Variants in TXNDC16 observed in about 807,000 individuals in gnomAD.
The protein encoded by TXNDC16 is thioredoxin domain-containing protein 16.
In TXNDC16, 74 loss-of-function variants were observed where a neutral mutation model predicts 85.6. The observed-to-expected ratio is 0.86, with a 90% CI of 0.72 to 1.05. TXNDC16 has a LOEUF of 1.05. TXNDC16 is among the 50% of genes least tolerant of loss of function. The pLI is 0.00. For missense variants in TXNDC16, 959 were observed against 947.0 expected, an observed-to-expected ratio of 1.01 and a Z score of -0.17; for synonymous variants, 335 against 326.5, an observed-to-expected ratio of 1.03 and a Z score of -0.28.
intron 9 of TXNDC16, among the ~76,000 whole-genome samples, chr14:52,505,157 A>T (rs1196037866): frequency 1.3e-5 from 2 of 152,202 alleles, no homozygotes; most frequent in Non-Finnish European, 2.9e-5. Context: ...CATTAGACAG[A>T]TCAATAAGAC....
At chr14:52,542,598 C>T in intron 3 of TXNDC16, 145 bp from the exon 4 acceptor site, 2 of 516,578 alleles carry the variant, frequency 3.9e-6, no homozygotes, top group Non-Finnish European at 6.9e-6. Flanking sequence ...TTTTCACACC[C>T]TTATTTTACT....
At position 52,542,402 on chromosome 14, in the gene TXNDC16, G is replaced by T; in HGVS notation, c.212C>A (p.Pro71His). 1 of 1,612,448 alleles carries T rather than the reference G, an allele frequency of 6.2e-7. No homozygotes were observed. Among genetic ancestry groups the T allele is most frequent in the South Asian group, 1.1e-5 (1 of 90,916 alleles). Residue 71 changes from proline (P) to histidine (H), a missense_variant, in exon 4 of 21, where the codon CCT (proline) becomes CAT (histidine). Physicochemically the swap from Pro to His is moderately conservative, Grantham distance 77 (BLOSUM62 -2). Transcript: ENST00000281741. ...AACTGAAATTCCATAGTCCTGCAGA[G>T]GTCTAACAGCCTCATTCAGTTCTTC... ...FLEELNEAVR[P>H]LQDYGISVAK... is the part of the protein sequence containing the mutation.
intron 9 of TXNDC16, among the ~76,000 whole-genome samples, chr14:52,495,966 T>C (rs972452196): frequency 2.7e-4 from 41 of 152,048 alleles, no homozygotes; most frequent in Admixed American, 2.4e-3. Context: ...GAGACCATCC[T>C]GGCTAACATG....
intron 8 of TXNDC16, among the ~76,000 whole-genome samples, chr14:52,512,685 A>C (rs1360474422): frequency 6.6e-6 from 1 of 152,182 alleles, no homozygotes; most frequent in Non-Finnish European, 1.5e-5. Flanking sequence ...ACTTATTTGA[A>C]GTTTATAAGA....
At chr14:52,549,371 G>T (rs182545462) in intron 1 of TXNDC16, among the ~76,000 whole-genome samples, 3 of 152,318 alleles carry the variant, frequency 2.0e-5, no homozygotes, top group Admixed American at 2.0e-4. Context: ...GACAATAGTA[G>T]AAAAAGGGCT....
At chr14:52,476,934 G>A (rs968492037) in intron 14 of TXNDC16, among the ~76,000 whole-genome samples, 1 of 152,040 alleles carries the variant, frequency 6.6e-6, no homozygotes, top group African/African-American at 2.4e-5. Flanking sequence ...AAAAACACCA[G>A]GTAACATATA....
At chr14:52,443,145 G>C (rs2035203947) in intron 18 of TXNDC16, among the ~76,000 whole-genome samples, 1 of 151,994 alleles carries the variant, frequency 6.6e-6, no homozygotes, top group South Asian at 2.1e-4. Context: ...CCTTAATCTG[G>C]GTGGGCACCA....
In TXNDC16 at chr14:52,488,385, A is replaced by T; in HGVS notation, c.1086T>A (p.Asn362Lys). 6.2e-7 allele frequency: 1 copy of T among 1,613,682 alleles called. No homozygotes were observed. Among genetic ancestry groups the T allele is most frequent in the South Asian group, 1.1e-5 (1 of 91,052 alleles). The change falls in exon 12 of 21, where the codon AAT becomes AAA. Residue 362 changes from asparagine to lysine, a missense_variant. Asn to Lys is a moderately conservative substitution (Grantham distance 94). Coordinates refer to ENST00000281741, the MANE Select transcript of TXNDC16 (RefSeq NM_020784.3). Reference sequence around the variant, plus strand: ...TACCTATATCTGGACCTTCCATGTCATTGTCTTCATCTTCTTGTATTTCCT... The same window carrying T: ...TACCTATATCTGGACCTTCCATGTCTTTGTCTTCATCTTCTTGTATTTCCT... The part of the protein sequence containing the change: ...HIEEIQEDED[N>K]DMEGPDIDVQ...
intron 12 of TXNDC16, among the ~76,000 whole-genome samples, chr14:52,487,837 AAG>A (rs139309813): frequency 0.047 from 7,082 of 152,280 alleles, 223 homozygotes; most frequent in Middle Eastern, 0.071. Flanking sequence ...ATGTGGGAAA[AAG>A]AGTTAAAAAC....
At chr14:52,549,678 C>T (rs2038006875) in intron 1 of TXNDC16, among the ~76,000 whole-genome samples, 1 of 149,242 alleles carries the variant, frequency 6.7e-6, no homozygotes, top group African/African-American at 2.5e-5. Context: ...GTCTCTGTCA[C>T]CCAGGCTGGA....
chr14:52,505,120 T>C (rs1474454045), intron 9 of TXNDC16, among the ~76,000 whole-genome samples: 1 of 152,142 alleles, frequency 6.6e-6, no homozygotes, highest in East Asian at 1.9e-4. Context: ...ACAATAATAA[T>C]GGGAGACTTT....
chr14:52,525,535 CAA>C (rs397853370), intron 6 of TXNDC16, among the ~76,000 whole-genome samples: 2 of 136,124 alleles, frequency 1.5e-5, no homozygotes, highest in Non-Finnish European at 1.6e-5. Flanking sequence ...ACTAAAAATA[CAA>C]AAAAAAAAAA....
At chr14:52,549,553 G>A (rs1300447613) in intron 1 of TXNDC16, among the ~76,000 whole-genome samples, 1 of 152,036 alleles carries the variant, frequency 6.6e-6, no homozygotes, top group Non-Finnish European at 1.5e-5. Context: ...TAGAACAGCT[G>A]GTAGCCCTCG....
intron 20 of TXNDC16, among the ~76,000 whole-genome samples, chr14:52,437,006 A>G (rs1321422971): frequency 2.0e-5 from 3 of 152,142 alleles, no homozygotes; most frequent in Admixed American, 2.0e-4. Context: ...ATATACTATA[A>G]TAATCTAGGT....
intron 9 of TXNDC16, among the ~76,000 whole-genome samples, chr14:52,495,430 G>C (rs2036508609): frequency 6.6e-6 from 1 of 152,152 alleles, no homozygotes; most frequent in African/African-American, 2.4e-5. Flanking sequence ...AGCCATTAAT[G>C]ATATATGAAG....
chr14:52,530,432 A>T (rs1177279380), intron 6 of TXNDC16, among the ~76,000 whole-genome samples: 2 of 18,824 alleles, frequency 1.1e-4, no homozygotes, highest in African/African-American at 6.2e-4. Context: ...TATATATAAT[A>T]ATATATAATA....
rs905195239 is a variant in TXNDC16 at position 52,525,538 on chromosome 14, A to C, written c.393-6245T>G. Among the ~76,000 whole-genome samples, 21 of 150,272 alleles carry C rather than the reference A, an allele frequency of 1.4e-4. No homozygotes were observed. The East Asian group carries it at 1.6e-3, about 11-fold the overall frequency. On this transcript the variant is annotated intron_variant, in intron 6 of 20. Transcript: ENST00000281741. Reference sequence around the variant, plus strand: ...AACCCTGTTTCTACTAAAAATACAAAAAAAAAAAAATTAGCCAGGTATGGT... The same window carrying C: ...AACCCTGTTTCTACTAAAAATACAACAAAAAAAAAATTAGCCAGGTATGGT...
At chr14:52,448,397 TA>T (rs200575785) in intron 18 of TXNDC16, among the ~76,000 whole-genome samples, 17 of 146,970 alleles carry the variant, frequency 1.2e-4, no homozygotes, top group East Asian at 2.0e-4. Context: ...AGTGCTAAAT[TA>T]AAAAAAAAAA....
chr14:52,443,992 GA>G lies in TXNDC16; in HGVS notation c.1843-3269del, dbSNP rs1316272942. Among the ~76,000 whole-genome samples the G allele has an allele frequency of 6.0e-5, 9 of 149,954 alleles. No homozygotes were observed. In the South Asian group the frequency reaches 1.7e-3, roughly 28 times the overall value. The stretch of plus-strand genomic sequence containing the variant: ...CCAAAGAAAAGACATAGCAAAAGAA[GA>G]AAAAAAAAGAGTTGAAGATGTAATT... On this transcript the variant is annotated intron_variant, in intron 18 of 20. Coordinates refer to ENST00000281741, the MANE Select transcript of TXNDC16 (RefSeq NM_020784.3).
Sources: gnomAD v4.1 joint callset for allele counts (sites outside exome capture counted in the v4.1 genomes callset) on GRCh38, gnomAD v4.1.1 for gene constraint, MANE v1.5 for transcripts, NCBI Gene and HGNC (gene_info 2026-07-23, HGNC 2026-07-21) for gene names.